The following PPARG variants were observed in gnomAD, a reference collection of about 807,000 sequenced individuals.
PPARG encodes the protein peroxisome proliferator-activated receptor gamma.
PPARG carries 17 observed loss-of-function variants against 39.2 expected under a neutral mutation model. That is an observed-to-expected ratio of 0.43 (90% CI 0.30 to 0.65). PPARG has a LOEUF of 0.65. Among genes scored for constraint, PPARG ranks in the 30% least tolerant of loss-of-function variants. The pLI is 0.13. For synonymous variants in PPARG, 223 were observed against 215.7 expected (o/e 1.03, Z -0.30); for missense variants, 406 against 585.9 (o/e 0.69, Z 3.17).
At chr3:12,363,482 A>G (rs981701695) in intron 2 of PPARG, among the ~76,000 whole-genome samples, 4 of 100,406 alleles carry the variant, frequency 4.0e-5, no homozygotes, top group Non-Finnish European at 5.9e-5. Flanking sequence ...TCAAAAGAGC[A>G]TAGAGTGTCA....
At chr3:12,351,696 G>C in intron 2 of PPARG, 1 of 1,567,128 alleles carries the variant, frequency 6.4e-7, no homozygotes, top group Non-Finnish European at 8.8e-7. Context: ...TCCAGATACG[G>C]CTATTGGGGA....
At chr3:12,391,478 AT>A (rs1277840001) in intron 4 of PPARG, among the ~76,000 whole-genome samples, 2 of 152,160 alleles carry the variant, frequency 1.3e-5, no homozygotes, top group Non-Finnish European at 2.9e-5. Flanking sequence ...GCAAGTGTGT[AT>A]TTAGAGAAAG....
At chr3:12,374,613 CAA>C (rs2049339854) in intron 2 of PPARG, among the ~76,000 whole-genome samples, 1 of 151,822 alleles carries the variant, frequency 6.6e-6, no homozygotes, top group Admixed American at 6.6e-5. Context: ...AAAAACAAAA[CAA>C]AACAAAAATG....
intron 2 of PPARG, among the ~76,000 whole-genome samples, chr3:12,343,861 ATTTT>A (rs3031383): frequency 7.6e-6 from 1 of 131,066 alleles, no homozygotes. Flanking sequence ...ATCTCACCGA[ATTTT>A]TTTTTTTTTT....
chr3:12,422,087 A>G (rs1226005193), intron 7 of PPARG, among the ~76,000 whole-genome samples: 6 of 152,226 alleles, frequency 3.9e-5, no homozygotes, highest in Non-Finnish European at 2.9e-5. Flanking sequence ...CATACCAGAT[A>G]GATAGATTTT....
At chr3:12,394,877 A>G (rs1340854858) in intron 5 of PPARG, among the ~76,000 whole-genome samples, 1 of 152,206 alleles carries the variant, frequency 6.6e-6, no homozygotes, top group East Asian at 1.9e-4. Flanking sequence ...ATGCCTTTTT[A>G]TCAAAAGAGG....
intron 2 of PPARG, among the ~76,000 whole-genome samples, chr3:12,363,344 A>G (rs897108881): frequency 6.6e-6 from 1 of 152,254 alleles, no homozygotes; most frequent in Non-Finnish European, 1.5e-5. Flanking sequence ...GAAAATCTTC[A>G]AATCAGCTCA....
At chr3:12,328,914 G>C (rs984180852) in intron 2 of PPARG, among the ~76,000 whole-genome samples, 1 of 152,138 alleles carries the variant, frequency 6.6e-6, no homozygotes, top group African/African-American at 2.4e-5. Flanking sequence ...CATTCCAAAA[G>C]GAAGTTCAAC....
intron 4 of PPARG, among the ~76,000 whole-genome samples, chr3:12,381,916 G>GTTTATTTA (rs796113249): frequency 0.012 from 1,777 of 152,036 alleles, 25 homozygotes; most frequent in South Asian, 0.023. Context: ...TTCTCTAGTT[G>GTTTATTTA]TTTATTTATT....
chr3:12,335,709 A>T (rs1025236504), intron 2 of PPARG, among the ~76,000 whole-genome samples: 3 of 152,228 alleles, frequency 2.0e-5, no homozygotes, highest in African/African-American at 7.2e-5. Context: ...TTCAGTGGAA[A>T]AAGAAGAAGA....
At chr3:12,413,163 G>T (rs71306003) in intron 6 of PPARG, among the ~76,000 whole-genome samples, 501 of 152,308 alleles carry the variant, frequency 3.3e-3, no homozygotes, top group Non-Finnish European at 4.0e-3. Flanking sequence ...GACCAAATTT[G>T]ACCAGGGTTT....
chr3:12,392,861 A>G, intron 5 of PPARG, 109 bp downstream of exon 5: 1 of 1,303,668 alleles, frequency 7.7e-7, no homozygotes, highest in South Asian at 1.2e-5. Flanking sequence ...ACCAAATGCC[A>G]GAATTTAGAA....
chr3:12,378,019 A>G (rs2049483459), intron 2 of PPARG, among the ~76,000 whole-genome samples: 1 of 152,146 alleles, frequency 6.6e-6, no homozygotes, highest in African/African-American at 2.4e-5. Flanking sequence ...ATGAAAAGGT[A>G]CTCACCATCA....
At chr3:12,342,205 C>CT (rs2048203385) in intron 2 of PPARG, among the ~76,000 whole-genome samples, 2 of 152,140 alleles carry the variant, frequency 1.3e-5, no homozygotes, top group Admixed American at 6.5e-5. Context: ...TTATAAGAAA[C>CT]ACAGGGGATG....
At chr3:12,365,125 G>GT (rs1173854173) in intron 2 of PPARG, among the ~76,000 whole-genome samples, 1 of 152,140 alleles carries the variant, frequency 6.6e-6, no homozygotes, top group African/African-American at 2.4e-5. Context: ...TCACAATAGG[G>GT]TTTGTGGTCC....
chr3:12,376,398 C>T (rs181055716), intron 2 of PPARG, among the ~76,000 whole-genome samples: 1 of 151,542 alleles, frequency 6.6e-6, no homozygotes, highest in Admixed American at 6.6e-5. Flanking sequence ...AAAATTGCTC[C>T]AAAAAAATGA....
intron 2 of PPARG, among the ~76,000 whole-genome samples, chr3:12,317,990 T>G (rs1417044448): frequency 6.6e-6 from 1 of 152,180 alleles, no homozygotes; most frequent in Non-Finnish European, 1.5e-5. Flanking sequence ...TTTTATTCTT[T>G]AGAGGCAGGG....
chr3:12,424,291 G>A (rs183601031), intron 7 of PPARG, among the ~76,000 whole-genome samples: 2 of 152,332 alleles, frequency 1.3e-5, no homozygotes, highest in African/African-American at 4.8e-5. Flanking sequence ...TTTGTTGTTT[G>A]TAAAATATAG....
chr3:12,363,454 T>G (rs1432127684), intron 2 of PPARG, among the ~76,000 whole-genome samples: 1 of 151,802 alleles, frequency 6.6e-6, no homozygotes, highest in Non-Finnish European at 1.5e-5. Context: ...CTTGACACAG[T>G]AAGTTGAAAA....
Sources: allele counts gnomAD v4.1 joint callset (sites outside exome capture counted in the v4.1 genomes callset), GRCh38; gene constraint gnomAD v4.1.1; transcripts MANE v1.5; gene names NCBI Gene and HGNC (gene_info 2026-07-23, HGNC 2026-07-21).